DOK6: variants seen among roughly 807,000 people sequenced by gnomAD.
DOK6 encodes the protein downstream of tyrosine kinase 6.
DOK6 carries 22 observed loss-of-function variants against 44.0 expected under a neutral mutation model. The observed-to-expected ratio is 0.50, with a 90% confidence interval of 0.36 to 0.71. DOK6 has a LOEUF of 0.71. Ranked by LOEUF, DOK6 falls within the 30% of genes least tolerant of loss-of-function variation. The pLI is 0.00. For missense variants in DOK6, 340 were observed against 416.4 expected (o/e 0.82, Z 1.60); for synonymous variants, 166 against 145.5 (o/e 1.14, Z -1.01).
At chr18:69,730,147 C>T (rs527274786) in intron 5 of DOK6, among the ~76,000 whole-genome samples, 43 of 152,198 alleles carry the variant, frequency 2.8e-4, no homozygotes, top group Admixed American at 5.2e-4. Context: ...GTTTTTCCAG[C>T]CACAAAGCAG....
At chr18:69,822,241 C>T (rs925502205) in intron 7 of DOK6, among the ~76,000 whole-genome samples, 2 of 152,130 alleles carry the variant, frequency 1.3e-5, no homozygotes, top group Non-Finnish European at 2.9e-5. Context: ...TGTTAAATAT[C>T]ACTCCTTATT....
chr18:69,526,893 A>G (rs1981846783), intron 1 of DOK6, among the ~76,000 whole-genome samples: 1 of 152,188 alleles, frequency 6.6e-6, no homozygotes, highest in Non-Finnish European at 1.5e-5. Flanking sequence ...ATCTGTATCT[A>G]TGTTAAGCTA....
chr18:69,525,180 G>A (rs1265041382), intron 1 of DOK6, among the ~76,000 whole-genome samples: 1 of 151,768 alleles, frequency 6.6e-6, no homozygotes, highest in East Asian at 1.9e-4. Context: ...TATAGTTTTA[G>A]AGGTAATTAT....
chr18:69,587,770 A>AACACACACACACACACACAC (rs138552349), intron 2 of DOK6, among the ~76,000 whole-genome samples: 136 of 149,172 alleles, frequency 9.1e-4, no homozygotes, highest in Admixed American at 4.0e-3. Flanking sequence ...TGTAAATTTA[A>AACACACACACACACACACAC]ACACACACAC....
At chr18:69,522,371 A>C (rs1320895402) in intron 1 of DOK6, among the ~76,000 whole-genome samples, 1 of 152,022 alleles carries the variant, frequency 6.6e-6, no homozygotes, top group East Asian at 1.9e-4. Context: ...AACTAGAACC[A>C]AATAGAATCC....
At chr18:69,703,218 C>T (rs1004714005) in intron 5 of DOK6, among the ~76,000 whole-genome samples, 2 of 152,140 alleles carry the variant, frequency 1.3e-5, no homozygotes, top group Non-Finnish European at 2.9e-5. Context: ...GAAAACATCC[C>T]TGATGCAAAT....
At chr18:69,760,308 C>A (rs1248078200) in intron 7 of DOK6, among the ~76,000 whole-genome samples, 2 of 152,120 alleles carry the variant, frequency 1.3e-5, no homozygotes, top group Non-Finnish European at 2.9e-5. Flanking sequence ...TCCACGAACA[C>A]GTACGTTTTT....
intron 1 of DOK6, among the ~76,000 whole-genome samples, chr18:69,528,271 C>A (rs768773588): frequency 2.0e-5 from 3 of 151,808 alleles, no homozygotes; most frequent in Non-Finnish European, 4.4e-5. Flanking sequence ...TTCCTCCATT[C>A]TTTCCCATGT....
At chr18:69,614,733 G>A (rs541304553) in intron 3 of DOK6, among the ~76,000 whole-genome samples, 1 of 151,450 alleles carries the variant, frequency 6.6e-6, no homozygotes, top group South Asian at 2.1e-4. Flanking sequence ...CTTAGACATA[G>A]GTGAATGGAG....
intron 2 of DOK6, 86 bp from the exon 3 acceptor site, chr18:69,599,298 A>G: frequency 1.1e-6 from 1 of 930,796 alleles, no homozygotes; most frequent in Non-Finnish European, 1.6e-6. Context: ...TTCATGTAAG[A>G]CTGTGATAAC....
At chr18:69,754,480 T>TCAGA (rs3050451) in intron 6 of DOK6, among the ~76,000 whole-genome samples, 106,303 of 151,706 alleles carry the variant, frequency 0.7, 39,239 homozygotes, top group East Asian at 0.84. Flanking sequence ...GCTGGTTAAA[T>TCAGA]CAGATTCTGC....
intron 1 of DOK6, among the ~76,000 whole-genome samples, chr18:69,530,232 T>C (rs1017001929): frequency 3.9e-5 from 6 of 152,200 alleles, no homozygotes; most frequent in Non-Finnish European, 8.8e-5. Flanking sequence ...CACACTATGT[T>C]GACTACTGGA....
intron 1 of DOK6, among the ~76,000 whole-genome samples, chr18:69,481,554 A>G (rs1156883125): frequency 6.6e-6 from 1 of 152,124 alleles, no homozygotes; most frequent in Non-Finnish European, 1.5e-5. Flanking sequence ...ACATGAACTC[A>G]TCCTTTTTTA....
intron 6 of DOK6, among the ~76,000 whole-genome samples, chr18:69,742,738 A>G (rs1221133777): frequency 6.6e-6 from 1 of 152,246 alleles, no homozygotes; most frequent in African/African-American, 2.4e-5. Context: ...GTGGGATCAA[A>G]TAATTTGTAC....
chr18:69,447,552 C>T (rs1157029739), intron 1 of DOK6, among the ~76,000 whole-genome samples: 1 of 152,142 alleles, frequency 6.6e-6, no homozygotes, highest in African/African-American at 2.4e-5. Context: ...AAAGAGCCAA[C>T]ATTAGGTTTT....
intron 7 of DOK6, among the ~76,000 whole-genome samples, chr18:69,802,859 G>A (rs969072913): frequency 4.6e-5 from 7 of 152,134 alleles, no homozygotes; most frequent in Middle Eastern, 6.8e-3. Flanking sequence ...AATTACCCTA[G>A]TCCTAGGTAT....
At chr18:69,588,482 A>G (rs969713807) in intron 2 of DOK6, among the ~76,000 whole-genome samples, 2 of 152,158 alleles carry the variant, frequency 1.3e-5, no homozygotes, top group Non-Finnish European at 2.9e-5. Flanking sequence ...GGGCAGCAGC[A>G]CTAGAGAGGA....
At chr18:69,686,175 G>GA (rs1329243439) in intron 4 of DOK6, among the ~76,000 whole-genome samples, 14 of 152,026 alleles carry the variant, frequency 9.2e-5, no homozygotes, top group Non-Finnish European at 2.9e-5. Context: ...AGAGGCCTCA[G>GA]AAAAAAATCA....
intron 2 of DOK6, among the ~76,000 whole-genome samples, chr18:69,581,839 C>A (rs1009276569): frequency 1.3e-5 from 2 of 152,124 alleles, no homozygotes; most frequent in African/African-American, 4.8e-5. Flanking sequence ...GCCAATAATG[C>A]CCCCTTATTC....
Sources: gnomAD v4.1 joint callset for allele counts (sites outside exome capture counted in the v4.1 genomes callset) on GRCh38, gnomAD v4.1.1 for gene constraint, MANE v1.5 for transcripts, NCBI Gene and HGNC (gene_info 2026-07-23, HGNC 2026-07-21) for gene names.